Variants in MARK3 observed in about 807,000 individuals in gnomAD.
The protein encoded by MARK3 is microtubule affinity regulating kinase 3.
In MARK3, 46 loss-of-function variants were observed where a neutral mutation model predicts 90.1. The ratio of observed to expected loss-of-function variants is 0.51; its 90% CI spans 0.40 to 0.65. The LOEUF is 0.65. Among genes scored for constraint, MARK3 ranks in the 30% least tolerant of loss-of-function variants. The pLI is 0.00. For missense variants in MARK3, 818 were observed against 947.2 expected (o/e 0.86, Z 1.79); for synonymous variants, 321 against 332.6 (o/e 0.97, Z 0.38).
chr14:103,495,700 A>T (rs1197634594), intron 15 of MARK3, among the ~76,000 whole-genome samples: 3 of 152,202 alleles, frequency 2.0e-5, no homozygotes, highest in Non-Finnish European at 4.4e-5. Context: ...CCACACCCCC[A>T]GATTTTTGCA....
intron 14 of MARK3, among the ~76,000 whole-genome samples, chr14:103,488,053 A>T (rs898700504): frequency 2.0e-5 from 3 of 151,986 alleles, no homozygotes; most frequent in African/African-American, 7.3e-5. Flanking sequence ...TCAAAAAAAA[A>T]AAAATAAATA....
intron 6 of MARK3, among the ~76,000 whole-genome samples, chr14:103,459,803 C>T (rs559217444): frequency 5.3e-5 from 8 of 151,700 alleles, no homozygotes; most frequent in East Asian, 2.0e-4. Context: ...TGTGAGCCAT[C>T]GTAATGTGGC....
At chr14:103,438,544 A>T (rs1383164069) in intron 3 of MARK3, among the ~76,000 whole-genome samples, 3 of 152,232 alleles carry the variant, frequency 2.0e-5, no homozygotes, top group Non-Finnish European at 2.9e-5. Context: ...ATACCTAGTA[A>T]AATCTGATAA....
rs200117383 is a variant in MARK3, at chr14:103,466,080, G to A, written c.886G>A (p.Gly296Ser). The change falls in exon 9 of 18, where the codon GGC (glycine) becomes AGC (serine). Residue 296 changes from glycine to serine, a missense_variant. Physicochemically the swap from Gly to Ser is moderately conservative, Grantham distance 56 (BLOSUM62 0). This residue lies in a region of MARK3 where 560 missense variants were observed against 613.5 expected (regional missense o/e 0.91). Transcript: ENST00000429436. ...RFLVLNPIKR[G>S]TLEQIMKDRW... is the part of the protein sequence containing the mutation. ...CCTGGTGCTAAATCCAATTAAACGC[G>A]GCACTCTAGAGGTAATCATGTAGGT... 1.5e-5 allele frequency: 25 copies of A among 1,613,808 alleles called. No homozygotes were observed. The highest frequency in any genetic ancestry group is 8.9e-5 in the East Asian group (4 of 44,868).
At chr14:103,413,673 G>A (rs918948523) in intron 2 of MARK3, among the ~76,000 whole-genome samples, 2 of 151,800 alleles carry the variant, frequency 1.3e-5, no homozygotes, top group African/African-American at 4.8e-5. Context: ...GCCCAGGCTG[G>A]TCTTGAACTC....
chr14:103,453,359 A>G (rs2093200231), intron 5 of MARK3, among the ~76,000 whole-genome samples: 1 of 152,234 alleles, frequency 6.6e-6, no homozygotes, highest in Admixed American at 6.5e-5. Context: ...TAGGAATTAT[A>G]AACTACTGGG....
chr14:103,481,379 G>A (rs148880595), intron 14 of MARK3, among the ~76,000 whole-genome samples: 182 of 152,074 alleles, frequency 1.2e-3, no homozygotes, highest in African/African-American at 4.2e-3. Context: ...CTGCAGTTAC[G>A]GTGTGAGGTT....
At chr14:103,451,402 A>G (rs1416281390) in intron 4 of MARK3, among the ~76,000 whole-genome samples, 1 of 152,080 alleles carries the variant, frequency 6.6e-6, no homozygotes, top group Non-Finnish European at 1.5e-5. Context: ...ACTTCTTTCC[A>G]TCTTTGGCAT....
intron 3 of MARK3, among the ~76,000 whole-genome samples, chr14:103,446,623 G>A (rs1172561609): frequency 6.6e-6 from 1 of 152,076 alleles, no homozygotes; most frequent in Non-Finnish European, 1.5e-5. Context: ...CAGGTTGCAG[G>A]GATGCCATGG....
chr14:103,464,519 C>T (rs1438097954), intron 7 of MARK3, among the ~76,000 whole-genome samples: 6 of 151,520 alleles, frequency 4.0e-5, no homozygotes, highest in South Asian at 2.1e-4. Context: ...AGACTGGTCT[C>T]GAACTCCTGA....
At chr14:103,458,391 G>A (rs575336975) in intron 6 of MARK3, among the ~76,000 whole-genome samples, 21 of 138,486 alleles carry the variant, frequency 1.5e-4, no homozygotes, top group Non-Finnish European at 2.4e-4. Context: ...CCTGGGAGGC[G>A]GAAATTGTAG....
chr14:103,447,400 G>C (rs574738743), intron 3 of MARK3, among the ~76,000 whole-genome samples: 2 of 152,314 alleles, frequency 1.3e-5, no homozygotes, highest in South Asian at 4.1e-4. Context: ...GACAAGTATG[G>C]TGAGAGTCCT....
chr14:103,443,781 A>G (rs1224038183), intron 3 of MARK3, among the ~76,000 whole-genome samples: 2 of 152,016 alleles, frequency 1.3e-5, no homozygotes, highest in Non-Finnish European at 2.9e-5. Flanking sequence ...TTCCTTTTTT[A>G]CACAAATGCA....
intron 4 of MARK3, 67 bp from the exon 5 acceptor site, chr14:103,451,851 A>C: frequency 9.1e-7 from 1 of 1,103,208 alleles, no homozygotes; most frequent in Non-Finnish European, 1.3e-6. Context: ...GTTAGAGTTT[A>C]TATGTGCATG....
chr14:103,411,684 G>A (rs1447357893), intron 2 of MARK3, among the ~76,000 whole-genome samples: 2 of 151,786 alleles, frequency 1.3e-5, no homozygotes, highest in South Asian at 2.1e-4. Context: ...GTGCAGTGGC[G>A]GGATCTCGGC....
At chr14:103,477,738 C>T (rs903908663) in intron 13 of MARK3, among the ~76,000 whole-genome samples, 6 of 152,072 alleles carry the variant, frequency 3.9e-5, no homozygotes, top group Admixed American at 2.6e-4. Flanking sequence ...ATAATCTCAG[C>T]GCTTTGGGAG....
At chr14:103,491,286 C>G (rs1217940228) in intron 14 of MARK3, 1 of 260,662 alleles carries the variant, frequency 3.8e-6, no homozygotes, top group African/African-American at 2.3e-5. Context: ...TGTGTGTCTT[C>G]GTGCCTTCGC....
intron 3 of MARK3, among the ~76,000 whole-genome samples, chr14:103,445,721 T>G (rs2092977435): frequency 6.6e-6 from 1 of 152,180 alleles, no homozygotes; most frequent in African/African-American, 2.4e-5. Context: ...AGCCAAATCT[T>G]TTGAATTCCT....
chr14:103,501,582 TC>T (rs1173964162), intron 17 of MARK3, among the ~76,000 whole-genome samples: 1 of 152,112 alleles, frequency 6.6e-6, no homozygotes, highest in Non-Finnish European at 1.5e-5. Flanking sequence ...TTTGTTGAAA[TC>T]CCATGGCTCT....
Sources: allele counts gnomAD v4.1 joint callset (sites outside exome capture counted in the v4.1 genomes callset), GRCh38; gene constraint gnomAD v4.1.1; regional missense constraint gnomAD v4.1.1; transcripts MANE v1.5; gene names NCBI Gene and HGNC (gene_info 2026-07-23, HGNC 2026-07-21).